The following CTNNA3 variants were observed in gnomAD, a reference collection of about 807,000 sequenced individuals.
CTNNA3 encodes catenin alpha 3.
A neutral mutation model predicts 95.7 loss-of-function variants in CTNNA3; 76 were observed. The ratio of observed to expected loss-of-function variants is 0.79; its 90% CI spans 0.66 to 0.96. CTNNA3 has a LOEUF of 0.96. Ranked by LOEUF, CTNNA3 falls within the 40% of genes least tolerant of loss-of-function variation. CTNNA3 has a pLI of 0.00. For missense variants in CTNNA3, 1,191 were observed against 1,089.8 expected, an observed-to-expected ratio of 1.09 and a Z score of -1.31; for synonymous variants, 431 against 374.4, an observed-to-expected ratio of 1.15 and a Z score of -1.74.
At chr10:67,699,981 T>C (rs1427770007), upstream of CTNNA3, among the ~76,000 whole-genome samples, 1 of 152,214 alleles carries the variant, frequency 6.6e-6, no homozygotes, top group East Asian at 1.9e-4. Flanking sequence ...ATCCCGCACA[T>C]GCTTTGGAGG....
chr10:66,342,257 C>G (rs182786237), intron 12 of CTNNA3, among the ~76,000 whole-genome samples: 2 of 152,040 alleles, frequency 1.3e-5, no homozygotes, highest in African/African-American at 4.8e-5. Flanking sequence ...ACGCTGGGAT[C>G]ATGTCATCAT....
chr10:66,606,606 A>G (rs1171238913), intron 10 of CTNNA3, among the ~76,000 whole-genome samples: 1 of 152,160 alleles, frequency 6.6e-6, no homozygotes, highest in Non-Finnish European at 1.5e-5. Flanking sequence ...AATCAAGCCT[A>G]AGAAATTCAC....
chr10:65,960,780 T>C (rs1354093080), intron 17 of CTNNA3, among the ~76,000 whole-genome samples: 1 of 152,212 alleles, frequency 6.6e-6, no homozygotes, highest in African/African-American at 2.4e-5. Flanking sequence ...TATTTGATTT[T>C]CTGTTTTAGC....
chr10:66,906,233 T>C lies in CTNNA3; in HGVS notation c.1048-130709A>G, dbSNP rs1368326314. Among the ~76,000 whole-genome samples the C allele has an allele frequency of 2.0e-5, 3 of 152,154 alleles. No homozygotes were observed. The South Asian group carries it at 6.2e-4, about 32-fold the overall frequency. On this transcript the variant is annotated intron_variant, in intron 7 of 17. Coordinates refer to ENST00000433211, the MANE Select transcript of CTNNA3 (RefSeq NM_013266.4). ...CATAACGAAGAGATATTAGATATTA[T>C]GGGCTTCCTGATAGAATGCAGTAGA...
In CTNNA3 at chr10:66,640,609, A is replaced by G. The variant is rs115837174; in HGVS notation, c.1282-18825T>C. ...GATAGAACTATCCGTATCAAAGTATACTTACGGGGAGCCAACTTAAGAAAA... is the reference window on the plus strand; with the variant it reads ...GATAGAACTATCCGTATCAAAGTATGCTTACGGGGAGCCAACTTAAGAAAA... On this transcript the variant is annotated intron_variant, in intron 9 of 17. Transcript: ENST00000433211. Among the ~76,000 whole-genome samples the G allele has an allele frequency of 6.3e-3, 955 of 152,264 alleles. 15 individuals are homozygous for G. The highest frequency in any genetic ancestry group is 0.021 in the African/African-American group (876 of 41,564).
At chr10:67,672,975 A>G (rs553019691) in intron 1 of CTNNA3, among the ~76,000 whole-genome samples, 3 of 151,640 alleles carry the variant, frequency 2.0e-5, no homozygotes, top group Non-Finnish European at 3.0e-5. Context: ...CACGATATTG[A>G]TTCTTCCTAC....
intron 10 of CTNNA3, among the ~76,000 whole-genome samples, chr10:66,586,087 A>G (rs149960759): frequency 3.3e-5 from 5 of 152,150 alleles, no homozygotes; most frequent in African/African-American, 1.2e-4. Flanking sequence ...TGCCGGTTGT[A>G]GTGGCAGTGG....
intron 5 of CTNNA3, among the ~76,000 whole-genome samples, chr10:67,246,330 T>G (rs1323985653): frequency 1.3e-5 from 2 of 152,188 alleles, no homozygotes; most frequent in Admixed American, 1.3e-4. Flanking sequence ...AAGTATGTGT[T>G]TAGCACCAAA....
In CTNNA3 at chr10:66,388,327, TTTAA is replaced by T. The variant is rs1276148619; in HGVS notation, c.1532-8979_1532-8976del. Among the ~76,000 whole-genome samples, 6 of 152,174 alleles carry T rather than the reference TTTAA, an allele frequency of 3.9e-5. No individual in the cohort carries two copies. In the East Asian group the frequency reaches 1.2e-3, roughly 29 times the overall value. ...TATATAATACACTATGTAATTTCTC[TTTAA>T]TTAAAGATGAAATGATAGCTTGTAC... On this transcript the variant is annotated intron_variant, in intron 11 of 17. Coordinates refer to ENST00000433211, the MANE Select transcript of CTNNA3 (RefSeq NM_013266.4).
intron 11 of CTNNA3, among the ~76,000 whole-genome samples, chr10:66,404,600 A>T (rs2093043487): frequency 6.6e-6 from 1 of 152,180 alleles, no homozygotes; most frequent in Non-Finnish European, 1.5e-5. Context: ...AAGTAACAAC[A>T]CTTTGCCTAA....
rs575061896 is a variant in CTNNA3, at chr10:67,516,082, C to A, written c.579+5760G>T. Among the ~76,000 whole-genome samples the A allele has an allele frequency of 7.2e-5, 11 of 152,308 alleles. 1 individual carries two copies. The South Asian group carries it at 2.1e-3, about 29-fold the overall frequency. On this transcript the variant is annotated intron_variant, in intron 5 of 17. Coordinates refer to ENST00000433211, the MANE Select transcript of CTNNA3 (RefSeq NM_013266.4). ...TATTCAAATGATTCTCCTGCCTCAG[C>A]CTCCCGAGTAGCTGCGATTACAGTT...
chr10:66,956,433 G>A (rs1848796199), intron 7 of CTNNA3, among the ~76,000 whole-genome samples: 1 of 151,984 alleles, frequency 6.6e-6, no homozygotes, highest in Non-Finnish European at 1.5e-5. Context: ...GATATCCAGA[G>A]TTAACTGGCT....
chr10:67,167,664 C>T (rs562351740), intron 7 of CTNNA3, among the ~76,000 whole-genome samples: 2 of 152,286 alleles, frequency 1.3e-5, no homozygotes, highest in African/African-American at 4.8e-5. Context: ...CAATCTATGA[C>T]ATATAGAAAA....
At chr10:66,695,166 C>T (rs1564624215) in intron 9 of CTNNA3, among the ~76,000 whole-genome samples, 1 of 152,132 alleles carries the variant, frequency 6.6e-6, no homozygotes, top group Non-Finnish European at 1.5e-5. Flanking sequence ...TTCAAAGATG[C>T]ACATTAAATA....
At chr10:66,482,335 C>A (rs1363682080) in intron 11 of CTNNA3, among the ~76,000 whole-genome samples, 1 of 152,106 alleles carries the variant, frequency 6.6e-6, no homozygotes, top group African/African-American at 2.4e-5. Flanking sequence ...CTATCTTTAA[C>A]TACCAGTACC....
rs576970403 is a variant in CTNNA3 at position 65,944,721 on chromosome 10, G to A, written c.2400+21891C>T. 5.3e-5 allele frequency among the ~76,000 whole-genome samples: 8 copies of A among 152,284 alleles called. No individual in the cohort carries two copies. The South Asian group carries it at 1.5e-3, about 28-fold the overall frequency. On this transcript the variant is annotated intron_variant, in intron 17 of 17. Coordinates refer to ENST00000433211, the MANE Select transcript of CTNNA3 (RefSeq NM_013266.4). ...GGAACTAAATATTGACTCAGCAAGA[G>A]CTCAAATGAGAGGTCTAATTAAATT...
rs1397709441 is a variant in CTNNA3, at chr10:66,136,489, T to G, written c.1885-33240A>C. Among the ~76,000 whole-genome samples, 3 of 133,950 alleles carry G rather than the reference T, an allele frequency of 2.2e-5. No individual in the cohort carries two copies. The East Asian group carries it at 6.7e-4, about 30-fold the overall frequency. 87.9% of individuals were successfully genotyped at this position (133,950 alleles called of 152,430 possible). A position where few individuals can be genotyped will look rare whatever the true frequency, so the allele number is the denominator to read the frequency against. ...ATAGTTTTCAAACACTAAATAGTAA[T>G]TTCTTCACTTTTTTTTTTTGGTGTT... On this transcript the variant is annotated intron_variant, in intron 13 of 17. Coordinates refer to ENST00000433211, the MANE Select transcript of CTNNA3 (RefSeq NM_013266.4).
chr10:66,846,445 G>C (rs775884534), intron 7 of CTNNA3, among the ~76,000 whole-genome samples: 4 of 147,012 alleles, frequency 2.7e-5, no homozygotes, highest in Admixed American at 7.0e-5. Flanking sequence ...TTTGCTAAGA[G>C]AACAGATTGT....
At position 67,045,801 on chromosome 10, in the gene CTNNA3, C is replaced by T. The variant is rs73328911; in HGVS notation, c.1047+134516G>A. On this transcript the variant is annotated intron_variant, in intron 7 of 17. Transcript: ENST00000433211. ...AAAGTTTCAATGAATTACTCTATAC[C>T]ACATTGCTAGTTAGTGGCAGCTCCA... is the stretch of plus-strand genomic sequence containing the variant. Among the ~76,000 whole-genome samples the T allele has an allele frequency of 2.2e-3, 342 of 152,226 alleles. 2 individuals carry two copies. Among genetic ancestry groups the T allele is most frequent in the African/African-American group, 7.6e-3 (317 of 41,532 alleles).
Sources: allele counts gnomAD v4.1 joint callset (sites outside exome capture counted in the v4.1 genomes callset), GRCh38; gene constraint gnomAD v4.1.1; transcripts MANE v1.5; gene names NCBI Gene and HGNC (gene_info 2026-07-23, HGNC 2026-07-21).